The following SCN7A variants were observed in gnomAD, a reference collection of about 807,000 sequenced individuals.
SCN7A encodes the protein sodium channel protein type 7 subunit alpha.
A neutral mutation model predicts 155.2 loss-of-function variants in SCN7A; 138 were observed. The observed-to-expected ratio is 0.89, with a 90% CI of 0.77 to 1.02. SCN7A has a LOEUF of 1.02. Ranked by LOEUF, SCN7A falls within the 50% of genes least tolerant of loss-of-function variation. The pLI is 0.00. For synonymous variants in SCN7A, 693 were observed against 649.0 expected, an observed-to-expected ratio of 1.07 and a Z score of -1.03; for missense variants, 2,058 against 1,986.6, an observed-to-expected ratio of 1.04 and a Z score of -0.68.
At chr2:166,440,769 T>TC (rs1701942492) in intron 15 of SCN7A, 2 of 151,982 alleles carry the variant, frequency 1.3e-5, no homozygotes, top group Admixed American at 1.3e-4. Context: ...AATACAGTAG[T>TC]CCCCCTTAAT....
chr2:166,468,329 T>C (rs2105491415), intron 7 of SCN7A, among the ~76,000 whole-genome samples: 1 of 152,230 alleles, frequency 6.6e-6, no homozygotes, highest in East Asian at 1.9e-4. Context: ...TGAATCTGCC[T>C]GACTGAAAGT....
In SCN7A at chr2:166,470,687, G is replaced by A. The variant is rs990652646; in HGVS notation, c.592C>T (p.Pro198Ser). ...TGAAGCGTTGGAATGAAGTCCAGAG[G>A]TGAGTATCTTATAATAACCCTGTGG... ...TVFEVIIRYS[P>S]LDFIPTLQTA... Residue 198 changes from proline to serine, a missense_variant, in exon 7 of 26, where the codon CCT (proline) becomes TCT (serine). By Grantham distance (74) the Pro-to-Ser change is moderately conservative (BLOSUM62 -1). Coordinates refer to ENST00000643258, the MANE Select transcript of SCN7A (RefSeq NM_002976.4). The A allele has an allele frequency of 2.5e-6, 4 of 1,608,472 alleles. No individual in the cohort carries two copies. Among genetic ancestry groups the A allele is most frequent in the Non-Finnish European group, 3.4e-6 (4 of 1,176,568 alleles).
At chr2:166,411,843 A>G (rs1701209919) in intron 23 of SCN7A, among the ~76,000 whole-genome samples, 2 of 152,090 alleles carry the variant, frequency 1.3e-5, no homozygotes, top group Non-Finnish European at 2.9e-5. Context: ...GTTTGATTAC[A>G]TGGCTGAAGA....
intron 18 of SCN7A, among the ~76,000 whole-genome samples, chr2:166,424,717 C>A (rs1701585953): frequency 1.3e-5 from 2 of 151,972 alleles, no homozygotes; most frequent in South Asian, 4.2e-4. Context: ...GATGATTTAA[C>A]ACATTATATC....
intron 12 of SCN7A, 35 bp downstream of exon 12, chr2:166,447,577 T>A: frequency 7.2e-7 from 1 of 1,383,882 alleles, no homozygotes; most frequent in Non-Finnish European, 1.0e-6. Context: ...GAGTAGTACC[T>A]TCAATAGTGA....
intron 2 of SCN7A, among the ~76,000 whole-genome samples, chr2:166,479,540 C>T (rs2105518613): frequency 6.6e-6 from 1 of 151,998 alleles, no homozygotes; most frequent in South Asian, 2.1e-4. Context: ...TTTTGCTTTG[C>T]TTTTCATGTC....
chr2:166,464,231 T>C (rs1372677233), intron 9 of SCN7A, among the ~76,000 whole-genome samples: 3 of 151,756 alleles, frequency 2.0e-5, no homozygotes, highest in African/African-American at 7.3e-5. Context: ...TACATATATG[T>C]GTGCTGAGCA....
intron 13 of SCN7A, among the ~76,000 whole-genome samples, chr2:166,444,167 A>T (rs1388212628): frequency 6.6e-6 from 1 of 152,180 alleles, no homozygotes; most frequent in Non-Finnish European, 1.5e-5. Flanking sequence ...CAACTAAACA[A>T]CAACAATGGT....
intron 7 of SCN7A, among the ~76,000 whole-genome samples, chr2:166,468,480 A>C (rs1486727560): frequency 6.6e-6 from 1 of 152,084 alleles, no homozygotes; most frequent in Non-Finnish European, 1.5e-5. Flanking sequence ...AGTTTTCTAA[A>C]ACACAAATAA....
intron 17 of SCN7A, among the ~76,000 whole-genome samples, chr2:166,428,344 A>G (rs1006339234): frequency 6.6e-6 from 1 of 152,106 alleles, no homozygotes; most frequent in Non-Finnish European, 1.5e-5. Flanking sequence ...TATAACATGC[A>G]TTCCTGTTTA....
chr2:166,414,291 C>CATATATATAT (rs1289665485), intron 21 of SCN7A, among the ~76,000 whole-genome samples: 1,531 of 42,664 alleles, frequency 0.036, 80 homozygotes, highest in Middle Eastern at 0.12. Flanking sequence ...TATATACACA[C>CATATATATAT]ACATATATAT....
chr2:166,433,700 T>C (rs1020488814), intron 15 of SCN7A, among the ~76,000 whole-genome samples: 1 of 152,086 alleles, frequency 6.6e-6, no homozygotes, highest in African/African-American at 2.4e-5. Context: ...CAGGAAAACA[T>C]GTAAGAATTC....
At position 166,443,669 on chromosome 2, in the gene SCN7A, A is replaced by G. The variant is rs1390436116; in HGVS notation, c.1634T>C (p.Ile545Thr). The G allele has an allele frequency of 5.2e-6, 8 of 1,537,836 alleles. No homozygotes were observed. The highest frequency in any genetic ancestry group is 2.5e-5 in the South Asian group (2 of 80,820). The change falls in exon 14 of 26, where the codon ATT (isoleucine) becomes ACT (threonine). Residue 545 changes from isoleucine (I) to threonine (T), a missense_variant. Coordinates refer to ENST00000643258, the MANE Select transcript of SCN7A (RefSeq NM_002976.4). ...AATCATTTCTGCTGTGAAAATTCCAATGAAAACCTAAATCAAAACCAAATA... is the reference window on the plus strand; with the variant it reads ...AATCATTTCTGCTGTGAAAATTCCAGTGAAAACCTAAATCAAAACCAAATA... Reference protein sequence around the residue: ...TLLNIGNLVFIGIFTAEMIFK... With the variant: ...TLLNIGNLVFTGIFTAEMIFK...
At chr2:166,435,226 C>T (rs1174487292) in intron 15 of SCN7A, among the ~76,000 whole-genome samples, 3 of 152,020 alleles carry the variant, frequency 2.0e-5, no homozygotes, top group Admixed American at 6.6e-5. Context: ...AGCCTACTCT[C>T]TTTAAGGATT....
rs1338683814 is a variant in SCN7A at position 166,404,059 on chromosome 2, A to C, written c.*1521T>G. Reference sequence around the variant, plus strand: ...AAGATTATAGTAGTTAAGGCTTGAGATCATGCATTCAGAATAAAATACAAT... The same window carrying C: ...AAGATTATAGTAGTTAAGGCTTGAGCTCATGCATTCAGAATAAAATACAAT... On this transcript the variant is annotated 3_prime_UTR_variant, in exon 26 of 26. Transcript: ENST00000643258. The C allele has an allele frequency of 6.6e-6, 1 of 151,972 alleles. No homozygotes were observed. Among genetic ancestry groups the C allele is most frequent in the Admixed American group, 6.6e-5 (1 of 15,218 alleles). 9.4% of individuals were successfully genotyped at this position (151,972 alleles called of 1,614,324 possible).
intron 15 of SCN7A, among the ~76,000 whole-genome samples, chr2:166,433,151 C>T (rs190318716): frequency 1.3e-5 from 2 of 152,108 alleles, no homozygotes; most frequent in South Asian, 2.1e-4. Flanking sequence ...TCGCCAAGGT[C>T]GACTTTTCAC....
At chr2:166,468,784 C>T (rs1475429018) in intron 7 of SCN7A, among the ~76,000 whole-genome samples, 1 of 151,798 alleles carries the variant, frequency 6.6e-6, no homozygotes, top group Non-Finnish European at 1.5e-5. Context: ...CAAATGACAG[C>T]CAAGTATAGA....
intron 11 of SCN7A, 68 bp downstream of exon 11, chr2:166,456,800 TAA>T (rs1471941592): frequency 4.0e-4 from 263 of 656,790 alleles, no homozygotes; most frequent in Non-Finnish European, 4.9e-4. Context: ...GTTTCAAGAC[TAA>T]AATATATATA....
chr2:166,454,357 C>G (rs77211657), intron 11 of SCN7A, among the ~76,000 whole-genome samples: 2,341 of 152,278 alleles, frequency 0.015, 66 homozygotes, highest in African/African-American at 0.052. Context: ...TTTCTTCACA[C>G]AGTCCACAAC....
Sources: gnomAD v4.1 joint callset for allele counts (sites outside exome capture counted in the v4.1 genomes callset) on GRCh38, gnomAD v4.1.1 for gene constraint, MANE v1.5 for transcripts, NCBI Gene and HGNC (gene_info 2026-07-23, HGNC 2026-07-21) for gene names.